The following AEBP2 variants were observed in gnomAD, a reference collection of about 807,000 sequenced individuals.
The protein encoded by AEBP2 is AE binding protein 2.
AEBP2 carries 10 observed loss-of-function variants against 50.8 expected under a neutral mutation model. That is an observed-to-expected ratio of 0.20 (90% CI 0.12 to 0.33). AEBP2 has a LOEUF of 0.33. AEBP2 is among the 10% of genes least tolerant of loss of function. The pLI is 1.00. For missense variants in AEBP2, 570 were observed against 688.0 expected, an observed-to-expected ratio of 0.83 and a Z score of 1.92; for synonymous variants, 296 against 261.3, an observed-to-expected ratio of 1.13 and a Z score of -1.28.
In AEBP2 at chr12:19,511,984, C is replaced by G. The variant is rs140506281; in HGVS notation, c.1300-414C>G. 5.2e-3 allele frequency among the ~76,000 whole-genome samples: 797 copies of G among 152,160 alleles called. 6 individuals carry two copies. Among genetic ancestry groups the G allele is most frequent in the African/African-American group, 0.018 (762 of 41,502 alleles). ...AAGAACTACAAAGCAGGCAGGATTA[C>G]TATCTCTTCCAGGGTATGAACACTT... On this transcript the variant is annotated intron_variant, in intron 5 of 7. Transcript: ENST00000266508.
chr12:19,451,633 C>T (rs1359790963), intron 1 of AEBP2, among the ~76,000 whole-genome samples: 1 of 151,882 alleles, frequency 6.6e-6, no homozygotes, highest in African/African-American at 2.4e-5. Context: ...CCTATTAGTG[C>T]TGTATAATAA....
intron 1 of AEBP2, among the ~76,000 whole-genome samples, chr12:19,447,721 A>G (rs1477498963): frequency 3.3e-5 from 5 of 152,182 alleles, no homozygotes; most frequent in Admixed American, 2.6e-4. Flanking sequence ...GAGATGGTGC[A>G]GTGGAAAGAA....
Position 19,518,130 on chromosome 12 carries a change from T to A in AEBP2, c.*13T>A. On this transcript the variant is annotated 3_prime_UTR_variant, in exon 8 of 8. Coordinates refer to ENST00000266508, the MANE Select transcript of AEBP2 (RefSeq NM_153207.5). ...GTTGAAGAGGTAAAAAATAAATAAA[T>A]ACATAAAAAGCAAACAAGCGGGGAC... 3 of 1,589,576 alleles carry A rather than the reference T, an allele frequency of 1.9e-6. No homozygotes were observed. The highest frequency in any genetic ancestry group is 2.6e-6 in the Non-Finnish European group (3 of 1,167,828).
Position 19,518,237 on chromosome 12 carries a change from TTA to T in AEBP2, c.*121_*122del. On this transcript the variant is annotated 3_prime_UTR_variant, in exon 8 of 8. Transcript: ENST00000266508. ...CCCCTTCTTTTTTTTTTTTTTTTTTTTAAATCCAGTATTTAGGATAATATTTA... is the reference window on the plus strand; with the variant it reads ...CCCCTTCTTTTTTTTTTTTTTTTTTTAATCCAGTATTTAGGATAATATTTA... The T allele has an allele frequency of 3.8e-6, 5 of 1,331,386 alleles. No individual in the cohort carries two copies. Among genetic ancestry groups the T allele is most frequent in the South Asian group, 1.8e-5 (1 of 54,536 alleles). 82.5% of individuals were successfully genotyped at this position (1,331,386 alleles called of 1,614,324 possible).
At chr12:19,424,832 A>AC (rs1176358110) in intron 1 of AEBP2, among the ~76,000 whole-genome samples, 2 of 150,562 alleles carry the variant, frequency 1.3e-5, no homozygotes. Context: ...ACATGGTGAA[A>AC]CCCCATCTCT....
chr12:19,440,505 C>G (rs1947934512), intron 1 of AEBP2, 135 bp downstream of exon 1: 2 of 1,402,374 alleles, frequency 1.4e-6, no homozygotes, highest in Non-Finnish European at 1.9e-6. Flanking sequence ...ACTCTCAACT[C>G]GGAAATCTCT....
chr12:19,432,429 C>G (rs2095751875), intron 1 of AEBP2, among the ~76,000 whole-genome samples: 1 of 152,212 alleles, frequency 6.6e-6, no homozygotes, highest in African/African-American at 2.4e-5. Context: ...CATGGTGGCT[C>G]ATGCTTGTAA....
At position 19,439,855 on chromosome 12, in the gene AEBP2, G is replaced by A; in HGVS notation, c.156G>A (p.Glu52=). The change falls in exon 1 of 8, where the codon GAG becomes GAA. Residue 52 remains glutamate, a synonymous_variant. Coordinates refer to ENST00000266508, the MANE Select transcript of AEBP2 (RefSeq NM_153207.5). The part of the protein sequence containing the change: ...EEEEEEEAEA[E]AVAALLLNGG... ...AGGAGGAAGAGGAGGCGGAGGCCGA[G>A]GCGGTGGCGGCGCTGCTGCTGAACG... 1 of 1,487,416 alleles carries A rather than the reference G, an allele frequency of 6.7e-7. No homozygotes were observed. Among genetic ancestry groups the A allele is most frequent in the Non-Finnish European group, 8.9e-7 (1 of 1,127,860 alleles). The allele number at this position is 1,487,416 out of a possible 1,614,324, so 92.1% of individuals were successfully genotyped here. A position where few individuals can be genotyped will look rare whatever the true frequency, so the allele number is the denominator to read the frequency against.
chr12:19,515,077 G>A (rs188879023), intron 7 of AEBP2, among the ~76,000 whole-genome samples: 2 of 152,208 alleles, frequency 1.3e-5, no homozygotes, highest in East Asian at 3.9e-4. Flanking sequence ...CTTTAACAAG[G>A]TAATTCTTTT....
chr12:19,478,290 C>G (rs1261900810), intron 3 of AEBP2, among the ~76,000 whole-genome samples: 1 of 152,016 alleles, frequency 6.6e-6, no homozygotes, highest in African/African-American at 2.4e-5. Context: ...CTATTTGTGA[C>G]CTTTCAGACT....
At chr12:19,429,823 GTTT>G (rs201943298) in intron 1 of AEBP2, among the ~76,000 whole-genome samples, 75 of 145,964 alleles carry the variant, frequency 5.1e-4, no homozygotes, top group African/African-American at 1.6e-3. Context: ...GTTGATGGGA[GTTT>G]TTTTTTTTTC....
chr12:19,469,261 A>AT (rs975867265), intron 2 of AEBP2, among the ~76,000 whole-genome samples: 4 of 151,726 alleles, frequency 2.6e-5, no homozygotes, highest in South Asian at 2.1e-4. Context: ...TGGGTTTAAA[A>AT]TTTTTTTTTC....
At chr12:19,468,030 A>G (rs1427129988) in intron 2 of AEBP2, among the ~76,000 whole-genome samples, 2 of 151,942 alleles carry the variant, frequency 1.3e-5, no homozygotes, top group African/African-American at 4.8e-5. Flanking sequence ...CCTGGATGAT[A>G]GAGCAAGACT....
chr12:19,444,208 A>G (rs537669683), intron 1 of AEBP2, among the ~76,000 whole-genome samples: 21 of 152,352 alleles, frequency 1.4e-4, no homozygotes, highest in Non-Finnish European at 2.4e-4. Flanking sequence ...CCAACACAGT[A>G]TCATGTAAAA....
intron 1 of AEBP2, among the ~76,000 whole-genome samples, chr12:19,447,849 G>A (rs1001940470): frequency 3.3e-5 from 5 of 152,116 alleles, no homozygotes. Context: ...AAAAATGAGG[G>A]TTTTTGACAA....
intron 5 of AEBP2, among the ~76,000 whole-genome samples, chr12:19,506,436 A>G (rs563604385): frequency 2.0e-5 from 3 of 152,300 alleles, no homozygotes; most frequent in Non-Finnish European, 2.9e-5. Context: ...CTTGCTGTCA[A>G]TAATTTTTAT....
chr12:19,456,374 A>AG, intron 1 of AEBP2: 1 of 1,365,678 alleles, frequency 7.3e-7, no homozygotes, highest in Non-Finnish European at 1.0e-6. Context: ...CGCGACCCAG[A>AG]GGTGGGTAGT....
intron 4 of AEBP2, among the ~76,000 whole-genome samples, chr12:19,496,664 C>CTTTTTTT (rs771598222): frequency 0.018 from 2,568 of 142,854 alleles, 31 homozygotes; most frequent in East Asian, 0.036. Context: ...TTTTTTTAAC[C>CTTTTTTT]TTTTTTTTTT....
At chr12:19,433,652 C>T (rs960575711) in intron 1 of AEBP2, among the ~76,000 whole-genome samples, 9 of 151,204 alleles carry the variant, frequency 6.0e-5, no homozygotes, top group East Asian at 2.0e-4. Context: ...TGATGGCAGG[C>T]GCCTGTGATC....
Sources: gnomAD v4.1 joint callset for allele counts (sites outside exome capture counted in the v4.1 genomes callset) on GRCh38, gnomAD v4.1.1 for gene constraint, MANE v1.5 for transcripts, NCBI Gene and HGNC (gene_info 2026-07-23, HGNC 2026-07-21) for gene names.